LNX1: variants seen among roughly 807,000 people sequenced by gnomAD.
LNX1 encodes ligand of numb-protein X 1.
Under a neutral mutation model 68.4 loss-of-function variants are expected in LNX1, and 54 were observed. That is an observed-to-expected ratio of 0.79 (90% CI 0.63 to 0.99). LNX1 has a LOEUF of 0.99. Ranked by LOEUF, LNX1 falls within the 50% of genes least tolerant of loss-of-function variation. The pLI is 0.00. For synonymous variants in LNX1, 336 were observed against 350.0 expected, an observed-to-expected ratio of 0.96 and a Z score of 0.45; for missense variants, 906 against 926.4, an observed-to-expected ratio of 0.98 and a Z score of 0.29.
intron 1 of LNX1, among the ~76,000 whole-genome samples, chr4:53,617,011 G>T (rs1295033043): frequency 6.6e-6 from 1 of 152,144 alleles, no homozygotes; most frequent in Non-Finnish European, 1.5e-5. Context: ...CATTAGCCAA[G>T]AAACAAGTAT....
chr4:53,491,217 C>A (rs186466474), intron 6 of LNX1, among the ~76,000 whole-genome samples: 1 of 150,136 alleles, frequency 6.7e-6, no homozygotes, highest in South Asian at 2.1e-4. Context: ...AGGGAGTTAA[C>A]AAGTGTAACA....
chr4:53,608,503 C>T (rs1038701892), intron 2 of LNX1, among the ~76,000 whole-genome samples: 3 of 152,120 alleles, frequency 2.0e-5, no homozygotes, highest in Admixed American at 2.0e-4. Flanking sequence ...AACGCTTATA[C>T]ACTGCTGGTG....
At chr4:53,590,015 A>T (rs907879174) in intron 1 of LNX1, among the ~76,000 whole-genome samples, 3 of 152,210 alleles carry the variant, frequency 2.0e-5, no homozygotes, top group Non-Finnish European at 4.4e-5. Flanking sequence ...ATGCACTTTT[A>T]TCAGAAGATC....
chr4:53,465,126 T>A (rs1722576331), intron 9 of LNX1, among the ~76,000 whole-genome samples: 1 of 152,200 alleles, frequency 6.6e-6, no homozygotes, highest in Non-Finnish European at 1.5e-5. Context: ...CATCTTGCAT[T>A]TTTTTCCTTG....
At chr4:53,480,978 C>T (rs527824123) in intron 7 of LNX1, among the ~76,000 whole-genome samples, 19 of 152,182 alleles carry the variant, frequency 1.2e-4, no homozygotes, top group African/African-American at 4.6e-4. Context: ...GGATGCCAAG[C>T]CAAAGCTATA....
At chr4:53,617,684 T>C (rs1270528447), upstream of LNX1, among the ~76,000 whole-genome samples, 3 of 152,204 alleles carry the variant, frequency 2.0e-5, no homozygotes, top group Non-Finnish European at 2.9e-5. Flanking sequence ...AATGTCTCTC[T>C]TGTTTTGTTG....
At chr4:53,545,422 C>T (rs747304587) in intron 2 of LNX1, among the ~76,000 whole-genome samples, 6 of 152,214 alleles carry the variant, frequency 3.9e-5, no homozygotes, top group Non-Finnish European at 8.8e-5. Flanking sequence ...TCCATGACAA[C>T]ACAGTAGCGA....
intron 2 of LNX1, among the ~76,000 whole-genome samples, chr4:53,538,068 G>T (rs1195202298): frequency 1.9e-4 from 29 of 152,152 alleles, no homozygotes; most frequent in Admixed American, 1.9e-3. Context: ...CATAGCAATT[G>T]GTTTCAACCA....
At chr4:53,526,807 C>G (rs184230028) in intron 2 of LNX1, among the ~76,000 whole-genome samples, 1 of 151,790 alleles carries the variant, frequency 6.6e-6, no homozygotes, top group Admixed American at 6.6e-5. Context: ...TTCCTTCGAC[C>G]TCTTCTGTTA....
intron 1 of LNX1, among the ~76,000 whole-genome samples, chr4:53,574,854 C>T (rs190181069): frequency 2.0e-5 from 3 of 152,334 alleles, no homozygotes; most frequent in Non-Finnish European, 2.9e-5. Context: ...ATAATTCTTA[C>T]ATGTATTTGT....
In LNX1 at chr4:53,508,024, A is replaced by G; in HGVS notation, c.584T>C (p.Ile195Thr). The G allele has an allele frequency of 6.2e-7, 1 of 1,614,090 alleles. No homozygotes were observed. Among genetic ancestry groups the G allele is most frequent in the Non-Finnish European group, 8.5e-7 (1 of 1,179,996 alleles). ...GCTCCGGCCAGAGTCCACTGGGCTG[A>G]TTGCTGGCTGCCCGTCCTCTGCCGA... ...VSSAEDGQPAISPVDSGRSNR... is the reference protein window; with the variant it reads ...VSSAEDGQPATSPVDSGRSNR... Residue 195 changes from isoleucine (I) to threonine (T), a missense_variant, in exon 3 of 11, where the codon ATC becomes ACC. Transcript: ENST00000263925.
chr4:53,651,911 A>C (rs1735112625), intron 1 of LNX1, among the ~76,000 whole-genome samples: 1 of 152,162 alleles, frequency 6.6e-6, no homozygotes, highest in Admixed American at 6.5e-5. Flanking sequence ...CCACTGCAGA[A>C]AAAAATAGGG....
At chr4:53,558,173 T>C in intron 2 of LNX1, 9 of 1,362,616 alleles carry the variant, frequency 6.6e-6, no homozygotes, top group Non-Finnish European at 8.5e-6. Flanking sequence ...TGAGAGGATG[T>C]AGGAACGCAA....
chr4:53,459,328 A>G lies in LNX1; in HGVS notation c.*1579T>C. On this transcript the variant is annotated 3_prime_UTR_variant, in exon 11 of 11. Transcript: ENST00000263925. Reference sequence around the variant, plus strand: ...AATAGTAGACGTCGCCATGAAAGTGAAGAAGGAGATAGTCACAGGAGACAC... The same window carrying G: ...AATAGTAGACGTCGCCATGAAAGTGGAGAAGGAGATAGTCACAGGAGACAC... The G allele has an allele frequency of 6.4e-7, 1 of 1,572,576 alleles. No homozygotes were observed.
upstream of LNX1, among the ~76,000 whole-genome samples, chr4:53,621,621 G>A (rs1280099427): frequency 6.6e-6 from 1 of 152,154 alleles, no homozygotes; most frequent in Non-Finnish European, 1.5e-5. Context: ...CAGTTGTCTG[G>A]TTTGCTAGAG....
intron 2 of LNX1, among the ~76,000 whole-genome samples, chr4:53,567,754 C>G (rs1024135434): frequency 3.3e-5 from 5 of 151,662 alleles, no homozygotes; most frequent in African/African-American, 1.2e-4. Context: ...GCTAACAAGA[C>G]TAATAAAGAA....
intron 2 of LNX1, among the ~76,000 whole-genome samples, chr4:53,608,683 C>A (rs1025482092): frequency 1.3e-5 from 2 of 152,028 alleles, no homozygotes; most frequent in Non-Finnish European, 2.9e-5. Context: ...CAGCACTGTT[C>A]ACAGTAGCAA....
chr4:53,607,654 C>T (rs1000640323), intron 2 of LNX1, among the ~76,000 whole-genome samples: 1 of 152,038 alleles, frequency 6.6e-6, no homozygotes, highest in African/African-American at 2.4e-5. Context: ...AAAAAGAGCC[C>T]AAATAGCCAA....
chr4:53,492,065 G>A (rs1420556324), intron 6 of LNX1, among the ~76,000 whole-genome samples: 4 of 152,142 alleles, frequency 2.6e-5, no homozygotes, highest in African/African-American at 9.7e-5. Context: ...GGGATTACAG[G>A]CATGAGCCAC....
Sources: allele counts gnomAD v4.1 joint callset (sites outside exome capture counted in the v4.1 genomes callset), GRCh38; gene constraint gnomAD v4.1.1; transcripts MANE v1.5; gene names NCBI Gene and HGNC (gene_info 2026-07-23, HGNC 2026-07-21).